Variants in VWCE observed in about 807,000 individuals in gnomAD.
VWCE encodes the protein von Willebrand factor C and EGF domain-containing protein.
In VWCE, 68 loss-of-function variants were observed where a neutral mutation model predicts 102.9. The ratio of observed to expected loss-of-function variants is 0.66; its 90% CI spans 0.54 to 0.81. The LOEUF is 0.81. Among genes scored for constraint, VWCE ranks in the 30% least tolerant of loss-of-function variants. The pLI, the probability that VWCE is intolerant of heterozygous loss-of-function variation, is 0.00. For synonymous variants in VWCE, 497 were observed against 515.4 expected, an observed-to-expected ratio of 0.96 and a Z score of 0.48; for missense variants, 1,137 against 1,263.6, an observed-to-expected ratio of 0.90 and a Z score of 1.52.
chr11:61,267,661 A>T, intron 15 of VWCE, 117 bp from the exon 16 acceptor site: 1 of 877,722 alleles, frequency 1.1e-6, no homozygotes, highest in Non-Finnish European at 1.8e-6. Context: ...GTGCCTCCCC[A>T]GGCAGTCACC....
At chr11:61,281,337 C>A in intron 7 of VWCE, 102 bp from the exon 8 acceptor site, 1 of 1,392,364 alleles carries the variant, frequency 7.2e-7, no homozygotes, top group Non-Finnish European at 9.9e-7. Context: ...TCCCTGTTCA[C>A]CCCCCGTGGT....
Position 61,274,527 on chromosome 11 carries a change from C to G in VWCE, c.1553G>C (p.Gly518Ala), listed in dbSNP as rs1484642442. ...YADGAVFSGG[G>A]DECTTCVCQN... ...GCAAACACAGGTGGTACACTCGTCA[C>G]CACCCCCACTGAACACAGCCCCGTC... is the stretch of plus-strand genomic sequence containing the variant. Residue 518 changes from glycine to alanine, a missense_variant, in exon 12 of 20, where the codon GGT becomes GCT. Physicochemically the swap from Gly to Ala is moderately conservative, Grantham distance 60. Coordinates refer to ENST00000335613, the MANE Select transcript of VWCE (RefSeq NM_152718.2). The G allele has an allele frequency of 6.2e-7, 1 of 1,613,650 alleles. No individual in the cohort carries two copies. Among genetic ancestry groups the G allele is most frequent in the Non-Finnish European group, 8.5e-7 (1 of 1,179,874 alleles).
intron 19 of VWCE, among the ~76,000 whole-genome samples, chr11:61,263,814 G>A (rs376967152): frequency 9.9e-5 from 15 of 152,260 alleles, no homozygotes; most frequent in African/African-American, 3.4e-4. Context: ...CCGGCACACC[G>A]TGGGTGCTCA....
chr11:61,294,896 C>A lies in VWCE; in HGVS notation c.110+32G>T. The A allele has an allele frequency of 7.4e-7, 1 of 1,346,756 alleles. No homozygotes were observed. The highest frequency in any genetic ancestry group is 9.6e-7 in the Non-Finnish European group (1 of 1,038,774). The allele number at this position is 1,346,756 out of a possible 1,614,324, so 83.4% of individuals were successfully genotyped here. On this transcript the variant is annotated intron_variant, in intron 1 of 19. Coordinates refer to ENST00000335613, the MANE Select transcript of VWCE (RefSeq NM_152718.2). The surrounding 1 kb of genome is among the most constrained non-coding windows in gnomAD (Gnocchi z 6.3). ...TGCACGCCGGTAGCGCTCTCCCGGG[C>A]GGGGGAGCGGGGAGGAGCTCCGGGC...
At chr11:61,276,447 G>C (rs1854910710) in intron 11 of VWCE, 146 bp downstream of exon 11, 1 of 535,358 alleles carries the variant, frequency 1.9e-6, no homozygotes, top group Non-Finnish European at 3.0e-6. Flanking sequence ...ACTGGGCTTG[G>C]GGGCTCATGC....
chr11:61,264,858 AT>A, intron 18 of VWCE, 97 bp downstream of exon 18: 1 of 1,354,788 alleles, frequency 7.4e-7, no homozygotes, highest in South Asian at 1.2e-5. Flanking sequence ...AGGAGGATGG[AT>A]TTATGCTGGC....
chr11:61,258,631 G>A lies in VWCE; in HGVS notation c.*44C>T. The A allele has an allele frequency of 7.5e-7, 1 of 1,340,098 alleles. No individual in the cohort carries two copies. The highest frequency in any genetic ancestry group is 9.6e-7 in the Non-Finnish European group (1 of 1,039,750). The allele number at this position is 1,340,098 out of a possible 1,614,324, so 83.0% of individuals were successfully genotyped here. On this transcript the variant is annotated 3_prime_UTR_variant, in exon 20 of 20. Transcript: ENST00000335613. ...TGCCCTGCACACACCCTGGGCCACT[G>A]GCAGAGGTCCTCTCTCCAGAGTCTC... is the stretch of plus-strand genomic sequence containing the variant.
chr11:61,283,059 C>T (rs989145474), intron 5 of VWCE, among the ~76,000 whole-genome samples, 154 bp from the exon 6 acceptor site: 3 of 152,172 alleles, frequency 2.0e-5, no homozygotes, highest in African/African-American at 7.2e-5. Flanking sequence ...CACATCCAGT[C>T]CTAAATACTC....
At chr11:61,268,833 C>T (rs760329977) in intron 15 of VWCE, 89 bp downstream of exon 15, 82 of 1,345,892 alleles carry the variant, frequency 6.1e-5, no homozygotes, top group Non-Finnish European at 8.2e-5. Flanking sequence ...GTTGTTAGGA[C>T]GACATGAGAT....
chr11:61,295,093 G>GA lies in VWCE; in HGVS notation c.-57dup. On this transcript the variant is annotated 5_prime_UTR_variant, in exon 1 of 20. Coordinates refer to ENST00000335613, the MANE Select transcript of VWCE (RefSeq NM_152718.2). The surrounding 1 kb of genome is among the most constrained non-coding windows in gnomAD (Gnocchi z 4.6). ...CTCGGCTCCTGCGCCGCGCGCGGGA[G>GA]AGGGGGCTGCCGGCCCTCGCCCCTC... The GA allele has an allele frequency of 8.6e-7, 1 of 1,162,438 alleles. No homozygotes were observed. The highest frequency in any genetic ancestry group is 1.1e-6 in the Non-Finnish European group (1 of 908,590). 72.0% of individuals were successfully genotyped at this position (1,162,438 alleles called of 1,614,324 possible). A position where few individuals can be genotyped will look rare whatever the true frequency, so the allele number is the denominator to read the frequency against.
intron 11 of VWCE, among the ~76,000 whole-genome samples, chr11:61,274,818 C>G (rs1854854742): frequency 6.6e-6 from 1 of 152,168 alleles, no homozygotes; most frequent in Non-Finnish European, 1.5e-5. Flanking sequence ...TCCCAACATT[C>G]TGGGAGGCCA....
At position 61,294,294 on chromosome 11, in the gene VWCE, A is replaced by T. The variant is rs1336799942; in HGVS notation, c.110+634T>A. On this transcript the variant is annotated intron_variant, in intron 1 of 19. Transcript: ENST00000335613. The surrounding 1 kb of genome is among the most constrained non-coding windows in gnomAD (Gnocchi z 6.3). Reference sequence around the variant, plus strand: ...CCCCCGGAGGACGTGGCCGCGGGCCAGGCCGCCTGCTGACACAGTGTTCCC... The same window carrying T: ...CCCCCGGAGGACGTGGCCGCGGGCCTGGCCGCCTGCTGACACAGTGTTCCC... 6.6e-6 allele frequency among the ~76,000 whole-genome samples: 1 copy of T among 152,128 alleles called. No individual in the cohort carries two copies. Among genetic ancestry groups the T allele is most frequent in the East Asian group, 1.9e-4 (1 of 5,174 alleles).
rs960817811 is a variant in VWCE at position 61,291,293 on chromosome 11, T to C, written c.266A>G (p.Gln89Arg). The C allele has an allele frequency of 1.2e-6, 2 of 1,604,182 alleles. No individual in the cohort carries two copies. The highest frequency in any genetic ancestry group is 2.2e-5 in the East Asian group (1 of 44,758). ...ICIAPNVCSC[Q>R]DGEQGATCPE... is the part of the protein sequence containing the mutation. The stretch of plus-strand genomic sequence containing the variant: ...GCAGGTGGCCCCTTGCTCTCCATCC[T>C]GGCAGGAGCAGACATTGGGAGCGAT... Residue 89 changes from glutamine to arginine, a missense_variant, in exon 3 of 20, where the codon CAG becomes CGG. By Grantham distance (43) the Gln-to-Arg change is conservative. Coordinates refer to ENST00000335613, the MANE Select transcript of VWCE (RefSeq NM_152718.2).
At chr11:61,273,031 ACACT>A (rs1159313973) in intron 13 of VWCE, among the ~76,000 whole-genome samples, 164 bp downstream of exon 13, 1 of 141,970 alleles carries the variant, frequency 7.0e-6, no homozygotes, top group South Asian at 2.1e-4. Flanking sequence ...ACACAGGTAC[ACACT>A]CAGACACACT....
Position 61,295,226 on chromosome 11 carries a change from G to A in VWCE, c.-189C>T, listed in dbSNP as rs751070242. ...GGGGCCGAGGGCCGCGAGGGGACGC[G>A]GCGGACGATTGTGGGGAGGGTCTCT... On this transcript the variant is annotated 5_prime_UTR_variant, in exon 1 of 20. Coordinates refer to ENST00000335613, the MANE Select transcript of VWCE (RefSeq NM_152718.2). The surrounding 1 kb of genome is among the most constrained non-coding windows in gnomAD (Gnocchi z 4.6). The A allele has an allele frequency of 2.6e-5, 10 of 387,682 alleles. No individual in the cohort carries two copies. Among genetic ancestry groups the A allele is most frequent in the Non-Finnish European group, 4.5e-5 (10 of 220,614 alleles). The allele number at this position is 387,682 out of a possible 1,614,324, so 24.0% of individuals were successfully genotyped here.
intron 14 of VWCE, among the ~76,000 whole-genome samples, chr11:61,269,917 A>ATT (rs5792221): frequency 8.6e-5 from 11 of 128,512 alleles, no homozygotes; most frequent in Non-Finnish European, 1.2e-4. Context: ...AGCTTACAGC[A>ATT]TTTTTTTTTT....
intron 6 of VWCE, chr11:61,282,472 A>C: frequency 3.5e-6 from 1 of 285,522 alleles, no homozygotes; most frequent in Admixed American, 5.0e-5. Context: ...AACGTGCTTT[A>C]TTTACCAAGG....
Position 61,291,561 on chromosome 11 carries a change from G to T in VWCE, c.126C>A (p.Pro42=). The change falls in exon 2 of 20, where the codon CCC becomes CCA. Residue 42 remains proline (P), a synonymous_variant. Transcript: ENST00000335613. Reference sequence around the variant, plus strand: ...TCCCAAACCCAGAGAGGCAGACGTGGGGGCCCAGTCGGCGTCTGCAAGAGA... The same window carrying T: ...TCCCAAACCCAGAGAGGCAGACGTGTGGGCCCAGTCGGCGTCTGCAAGAGA... ...HFAAERRRLG[P]HVCLSGFGSG... 1 of 1,451,382 alleles carries T rather than the reference G, an allele frequency of 6.9e-7. No homozygotes were observed. Among genetic ancestry groups the T allele is most frequent in the East Asian group, 2.5e-5 (1 of 39,700 alleles). 89.9% of individuals were successfully genotyped at this position (1,451,382 alleles called of 1,614,324 possible).
At chr11:61,271,938 C>T (rs559323985) in intron 13 of VWCE, among the ~76,000 whole-genome samples, 178 bp from the exon 14 acceptor site, 2 of 152,216 alleles carry the variant, frequency 1.3e-5, no homozygotes, top group South Asian at 4.2e-4. Flanking sequence ...CACACAGATA[C>T]ACATACACTC....
Sources: gnomAD v4.1 joint callset for allele counts (sites outside exome capture counted in the v4.1 genomes callset) on GRCh38, gnomAD v4.1.1 for gene constraint, Gnocchi (gnomAD v3.1) non-coding constraint, MANE v1.5 for transcripts, NCBI Gene and HGNC (gene_info 2026-07-23, HGNC 2026-07-21) for gene names.